Variants in COA1 observed in about 807,000 individuals in gnomAD.
The protein encoded by COA1 is cytochrome c oxidase assembly factor 1 homolog.
Under a neutral mutation model 16.0 loss-of-function variants are expected in COA1, and 13 were observed. That is an observed-to-expected ratio of 0.81 (90% CI 0.53 to 1.29). COA1 has a LOEUF of 1.29. Among genes scored for constraint, COA1 ranks in the 50% most tolerant of loss-of-function variants. COA1 has a pLI of 0.00. For missense variants in COA1, 179 were observed against 177.0 expected (o/e 1.01, Z -0.06); for synonymous variants, 65 against 65.7 (o/e 0.99, Z 0.05).
At chr7:43,705,632 C>A (rs575998656) in intron 1 of COA1, among the ~76,000 whole-genome samples, 1 of 152,308 alleles carries the variant, frequency 6.6e-6, no homozygotes, top group South Asian at 2.1e-4. Context: ...CTAGAGCTGC[C>A]TAGAGGAGTA....
At chr7:43,615,426 C>T (rs1225316532) in intron 6 of COA1, among the ~76,000 whole-genome samples, 2 of 152,196 alleles carry the variant, frequency 1.3e-5, no homozygotes, top group African/African-American at 4.8e-5. Context: ...ATCCACTCAC[C>T]TCGGCCTCCC....
At position 43,647,615 on chromosome 7, in the gene COA1, G is replaced by A. The variant is rs764118190; in HGVS notation, c.35C>T (p.Ser12Leu). ...AAGGATCCTTGCTCCCAGAGGCATTGACCGCCTGCTTCCTGCATACTTAAA... is the reference window on the plus strand; with the variant it reads ...AAGGATCCTTGCTCCCAGAGGCATTAACCGCCTGCTTCCTGCATACTTAAA... ...MWQKYAGSRR[S>L]MPLGARILFH... The change falls in exon 3 of 6, where the codon TCA becomes TTA. Residue 12 changes from serine to leucine, a missense_variant. Physicochemically the swap from Ser to Leu is moderately radical, Grantham distance 145. Transcript: ENST00000223336. 4 of 1,613,226 alleles carry A rather than the reference G, an allele frequency of 2.5e-6. No individual in the cohort carries two copies. Among genetic ancestry groups the A allele is most frequent in the African/African-American group, 2.7e-5 (2 of 74,918 alleles).
chr7:43,613,783 G>A (rs2083089495), intron 6 of COA1, among the ~76,000 whole-genome samples: 1 of 152,200 alleles, frequency 6.6e-6, no homozygotes, highest in Non-Finnish European at 1.5e-5. Flanking sequence ...GTTCGAGGCT[G>A]CAGTGGGCTA....
chr7:43,671,183 G>T (rs756017869), intron 1 of COA1, among the ~76,000 whole-genome samples: 23 of 152,048 alleles, frequency 1.5e-4, no homozygotes, highest in Admixed American at 3.3e-4. Context: ...AAAACTCCTA[G>T]AAGAAACATG....
intron 1 of COA1, among the ~76,000 whole-genome samples, chr7:43,664,103 A>AAGAGAGAGAG (rs141990456): frequency 0.018 from 2,460 of 135,200 alleles, 115 homozygotes; most frequent in African/African-American, 0.064. Context: ...TGTCTTTAGA[A>AAGAGAGAGAG]AGAGAGAGAG....
intron 1 of COA1, among the ~76,000 whole-genome samples, chr7:43,680,716 C>T (rs1175377243): frequency 6.6e-6 from 1 of 152,176 alleles, no homozygotes; most frequent in African/African-American, 2.4e-5. Context: ...CACCTGTAAT[C>T]CCAGCACTGT....
At chr7:43,643,938 C>T (rs1584257014) in intron 4 of COA1, among the ~76,000 whole-genome samples, 1 of 152,180 alleles carries the variant, frequency 6.6e-6, no homozygotes, top group Non-Finnish European at 1.5e-5. Flanking sequence ...GGTCGGATCA[C>T]CTCACTCATC....
chr7:43,690,460 CAT>C (rs1043303084), intron 1 of COA1, among the ~76,000 whole-genome samples: 93 of 152,076 alleles, frequency 6.1e-4, no homozygotes, highest in African/African-American at 2.0e-3. Context: ...CACACACACA[CAT>C]ATATGTATAT....
chr7:43,608,583 G>T (rs2082640679), exon 7 of COA1: 1 of 588,464 alleles, frequency 1.7e-6, no homozygotes, highest in Non-Finnish European at 2.8e-6. Context: ...ATGCACACAT[G>T]TGTACATGGA....
chr7:43,637,339 G>C (rs2086065107), downstream of COA1, among the ~76,000 whole-genome samples: 1 of 152,142 alleles, frequency 6.6e-6, no homozygotes, highest in Non-Finnish European at 1.5e-5. Context: ...AAAGCACATA[G>C]GAGTCACGCT....
chr7:43,621,592 C>G (rs542946265), intron 6 of COA1, among the ~76,000 whole-genome samples: 1 of 152,094 alleles, frequency 6.6e-6, no homozygotes, highest in African/African-American at 2.4e-5. Context: ...CTCAGCCTCC[C>G]GAGTAGCTGG....
chr7:43,637,916 A>C (rs2086172663), downstream of COA1, among the ~76,000 whole-genome samples: 1 of 152,234 alleles, frequency 6.6e-6, no homozygotes, highest in Non-Finnish European at 1.5e-5. Flanking sequence ...CACTAAGATA[A>C]AGTAAAAGTT....
chr7:43,717,296 A>G (rs546376873), intron 1 of COA1, among the ~76,000 whole-genome samples: 2 of 152,304 alleles, frequency 1.3e-5, no homozygotes, highest in South Asian at 2.1e-4. Flanking sequence ...ATGCCCTGCA[A>G]AGCCACAGGG....
At position 43,639,423 on chromosome 7, in the gene COA1, C is replaced by A; in HGVS notation, c.*159G>T. The A allele has an allele frequency of 2.6e-5, 14 of 545,066 alleles. No individual in the cohort carries two copies. The highest frequency in any genetic ancestry group is 1.1e-4 in the South Asian group (4 of 35,472). The allele number at this position is 545,066 out of a possible 1,614,324, so 33.8% of individuals were successfully genotyped here. ...TGTTGTGCCCAAGTTAGAATTACAC[C>A]AAAATTACCATGTGCTGGCACATAC... On this transcript the variant is annotated 3_prime_UTR_variant, in exon 6 of 6. Coordinates refer to ENST00000223336, the MANE Select transcript of COA1 (RefSeq NM_018224.4).
intron 4 of COA1, among the ~76,000 whole-genome samples, chr7:43,644,799 C>CAGAGAGAG (rs10627279): frequency 1.7e-4 from 13 of 75,386 alleles, no homozygotes; most frequent in African/African-American, 3.4e-4. Context: ...GGCAGAGAGA[C>CAGAGAGAG]AGAGAGAGAG....
intron 1 of COA1, among the ~76,000 whole-genome samples, chr7:43,718,207 T>A (rs2095433932): frequency 6.6e-6 from 1 of 152,258 alleles, no homozygotes; most frequent in Non-Finnish European, 1.5e-5. Context: ...TATTATTATT[T>A]ATTTGTAAGA....
rs1019294525 is a variant in COA1 at position 43,645,259 on chromosome 7, C to A, written c.256G>T (p.Asp86Tyr). The change falls in exon 4 of 6, where the codon GAT becomes TAT. Residue 86 changes from aspartate (D) to tyrosine (Y), a missense_variant. Coordinates refer to ENST00000223336, the MANE Select transcript of COA1 (RefSeq NM_018224.4). ...CAGGGAAAGCACATTACCTTGGCATCAACAATGTCCACGAAGTTTTCCCTG... is the reference window on the plus strand; with the variant it reads ...CAGGGAAAGCACATTACCTTGGCATAAACAATGTCCACGAAGTTTTCCCTG... ...IDRENFVDIV[D>Y]AKLKIPVSGS... 1 of 1,613,976 alleles carries A rather than the reference C, an allele frequency of 6.2e-7. No individual in the cohort carries two copies.
At chr7:43,637,198 C>A (rs1241100757), downstream of COA1, among the ~76,000 whole-genome samples, 1 of 152,210 alleles carries the variant, frequency 6.6e-6, no homozygotes, top group Non-Finnish European at 1.5e-5. Flanking sequence ...TTTTCTACAT[C>A]ATTTTTAGCA....
intron 1 of COA1, among the ~76,000 whole-genome samples, chr7:43,725,631 G>A (rs2095601014): frequency 6.6e-6 from 1 of 152,156 alleles, no homozygotes; most frequent in African/African-American, 2.4e-5. Context: ...GGCCGAGGCG[G>A]TGGATCACCT....
Sources: allele counts gnomAD v4.1 joint callset (sites outside exome capture counted in the v4.1 genomes callset), GRCh38; gene constraint gnomAD v4.1.1; transcripts MANE v1.5; gene names NCBI Gene and HGNC (gene_info 2026-07-23, HGNC 2026-07-21).